The following HEBP2 variants were observed in gnomAD, a reference collection of about 807,000 sequenced individuals.
HEBP2 encodes the protein heme binding protein 2, also known as heme-binding protein 2.
Under a neutral mutation model 23.1 loss-of-function variants are expected in HEBP2, and 27 were observed. The ratio of observed to expected loss-of-function variants is 1.17; its 90% CI spans 0.86 to 1.61. The LOEUF (loss-of-function observed/expected upper bound fraction) is 1.61. Among genes scored for constraint, HEBP2 ranks in the 40% most tolerant of loss-of-function variants. The probability of loss-of-function intolerance (pLI) is 0.00; values close to 1 mark genes in which losing one functional copy is unlikely to be tolerated. For missense variants in HEBP2, 245 were observed against 253.8 expected (o/e 0.97, Z 0.24); for synonymous variants, 99 against 95.1 (o/e 1.04, Z -0.24).
intron 3 of HEBP2, among the ~76,000 whole-genome samples, chr6:138,411,468 C>A (rs775053584): frequency 5.9e-5 from 9 of 152,172 alleles, no homozygotes; most frequent in Non-Finnish European, 1.3e-4. Flanking sequence ...TTCTGACTCA[C>A]CTTCCTGACC....
chr6:138,409,437 C>G (rs1167033807), intron 3 of HEBP2, among the ~76,000 whole-genome samples: 1 of 152,224 alleles, frequency 6.6e-6, no homozygotes, highest in African/African-American at 2.4e-5. Flanking sequence ...TCCTCTCTAT[C>G]ACCATTGTGA....
Position 138,418,309 on chromosome 6 carries a change from C to G in HEBP2, c.*5231C>G, listed in dbSNP as rs1202264950. 1 of 152,172 alleles carries G rather than the reference C, an allele frequency of 6.6e-6. No homozygotes were observed. The highest frequency in any genetic ancestry group is 1.5e-5 in the Non-Finnish European group (1 of 68,042). The allele number at this position is 152,172 out of a possible 1,614,324, so 9.4% of individuals were successfully genotyped here. A position where few individuals can be genotyped will look rare whatever the true frequency, so the allele number is the denominator to read the frequency against. ...AGAAGATGCAGTGTGGAATAGATGA[C>G]AAGGCCCAATGAGAGAATCACAGTG... On this transcript the variant is annotated 3_prime_UTR_variant, in exon 4 of 4. Coordinates refer to ENST00000607197, the MANE Select transcript of HEBP2 (RefSeq NM_014320.3).
In HEBP2 at chr6:138,421,064, T is replaced by G. The variant is rs1306914459; in HGVS notation, c.*7986T>G. ...TGGAAGGTAGGTCAGAGCAGGCAACTGAGAGAAACTGTATTACAGTTACCG... is the reference window on the plus strand; with the variant it reads ...TGGAAGGTAGGTCAGAGCAGGCAACGGAGAGAAACTGTATTACAGTTACCG... On this transcript the variant is annotated 3_prime_UTR_variant, in exon 4 of 4. Transcript: ENST00000607197. The G allele has an allele frequency of 6.6e-6, 1 of 152,184 alleles. No individual in the cohort carries two copies. The highest frequency in any genetic ancestry group is 1.5e-5 in the Non-Finnish European group (1 of 68,042). 9.4% of individuals were successfully genotyped at this position (152,184 alleles called of 1,614,324 possible). A position where few individuals can be genotyped will look rare whatever the true frequency, so the allele number is the denominator to read the frequency against.
chr6:138,412,673 T>C (rs7743069), intron 3 of HEBP2, among the ~76,000 whole-genome samples: 13,487 of 152,132 alleles, frequency 0.089, 1,775 homozygotes, highest in African/African-American at 0.29. Context: ...AGGCTGGTCT[T>C]GAACTCCTGA....
chr6:138,421,645 C>A lies in HEBP2; in HGVS notation c.*8567C>A, dbSNP rs9484162. ...TTTAAGATGCGGTCCATAACAGAAG[C>A]GGGCCCCAAGGAGTAGAGTAGCCAC... On this transcript the variant is annotated 3_prime_UTR_variant, in exon 4 of 4. Transcript: ENST00000607197. 1 of 151,984 alleles carries A rather than the reference C, an allele frequency of 6.6e-6. No homozygotes were observed. 9.4% of individuals were successfully genotyped at this position (151,984 alleles called of 1,614,324 possible). A position where few individuals can be genotyped will look rare whatever the true frequency, so the allele number is the denominator to read the frequency against.
intron 3 of HEBP2, among the ~76,000 whole-genome samples, chr6:138,411,353 G>C (rs1351309953): frequency 6.6e-6 from 1 of 152,104 alleles, no homozygotes; most frequent in Non-Finnish European, 1.5e-5. Flanking sequence ...TTATATGTCT[G>C]CCTATATTCT....
intron 3 of HEBP2, among the ~76,000 whole-genome samples, chr6:138,411,217 T>C (rs1413742632): frequency 2.6e-5 from 4 of 152,250 alleles, no homozygotes; most frequent in Admixed American, 1.3e-4. Flanking sequence ...TGTTTTTGTT[T>C]ATATACTGTA....
rs1247384981 is a variant in HEBP2 at position 138,404,395 on chromosome 6, G to A, written c.-101G>A. On this transcript the variant is annotated 5_prime_UTR_variant, in exon 1 of 4. Coordinates refer to ENST00000607197, the MANE Select transcript of HEBP2 (RefSeq NM_014320.3). ...GAGGAGGGACCGGGTCTGCGGAGCG[G>A]GGACTCGGGGCCTCGGCGGGGCGCG... 15 of 735,868 alleles carry A rather than the reference G, an allele frequency of 2.0e-5. No homozygotes were observed. Among genetic ancestry groups the A allele is most frequent in the Non-Finnish European group, 2.4e-5 (13 of 545,792 alleles). The allele number at this position is 735,868 out of a possible 1,614,324, so 45.6% of individuals were successfully genotyped here. A position where few individuals can be genotyped will look rare whatever the true frequency, so the allele number is the denominator to read the frequency against.
At chr6:138,411,923 C>T (rs191289065) in intron 3 of HEBP2, among the ~76,000 whole-genome samples, 22 of 152,198 alleles carry the variant, frequency 1.4e-4, no homozygotes, top group Admixed American at 9.8e-4. Flanking sequence ...GGGCAACAGA[C>T]AGAGTGAGAC....
At position 138,420,593 on chromosome 6, in the gene HEBP2, C is replaced by G. The variant is rs1023322437; in HGVS notation, c.*7515C>G. On this transcript the variant is annotated 3_prime_UTR_variant, in exon 4 of 4. Transcript: ENST00000607197. ...TTCTCAAGACAGGAGGGGTTGGTGG[C>G]CAATGATTTCACTAAATTATGGAAA... 3.3e-5 allele frequency: 5 copies of G among 152,150 alleles called. No individual in the cohort carries two copies. The highest frequency in any genetic ancestry group is 1.2e-4 in the African/African-American group (5 of 41,412). 9.4% of individuals were successfully genotyped at this position (152,150 alleles called of 1,614,324 possible).
rs1475125719 is a variant in HEBP2, at chr6:138,420,401, G to A, written c.*7323G>A. 1 of 152,166 alleles carries A rather than the reference G, an allele frequency of 6.6e-6. No homozygotes were observed. The highest frequency in any genetic ancestry group is 1.5e-5 in the Non-Finnish European group (1 of 68,030). The allele number at this position is 152,166 out of a possible 1,614,324, so 9.4% of individuals were successfully genotyped here. A position where few individuals can be genotyped will look rare whatever the true frequency, so the allele number is the denominator to read the frequency against. ...ACTCTCTGCGTGTTTTTGGGAAAAT[G>A]GATCCACATAGGCAAGGGGTGGACC... is the stretch of plus-strand genomic sequence containing the variant. On this transcript the variant is annotated 3_prime_UTR_variant, in exon 4 of 4. Transcript: ENST00000607197.
Position 138,405,280 on chromosome 6 carries a change from G to C in HEBP2, c.238G>C (p.Glu80Gln). 1 of 1,614,066 alleles carries C rather than the reference G, an allele frequency of 6.2e-7. No homozygotes were observed. The highest frequency in any genetic ancestry group is 1.1e-5 in the South Asian group (1 of 91,066). Residue 80 changes from glutamate to glutamine, a missense_variant and splice_region_variant, in exon 2 of 4, where the codon GAG becomes CAG. By Grantham distance (29) the Glu-to-Gln change is conservative. Coordinates refer to ENST00000607197, the MANE Select transcript of HEBP2 (RefSeq NM_014320.3). ...CTACATTCAAGGCAAAAACGAGAAAGGTAAAAGCAGTTTTCCTTGTAATTA... is the reference window on the plus strand; with the variant it reads ...CTACATTCAAGGCAAAAACGAGAAACGTAAAAGCAGTTTTCCTTGTAATTA... ...NSYIQGKNEK[E>Q]MKIKMTAPVT...
chr6:138,404,537 C>A lies in HEBP2; in HGVS notation c.42C>A (p.Asp14Glu), dbSNP rs1047662515. Residue 14 changes from aspartate (D) to glutamate (E), a missense_variant, in exon 1 of 4, where the codon GAC becomes GAA. Asp to Glu is a conservative substitution (Grantham distance 45). Transcript: ENST00000607197. Reference protein sequence around the residue: ...PLQPDPGAAEDAAAQAVETPG... With the variant: ...PLQPDPGAAEEAAAQAVETPG... ...AGCCAGACCCCGGGGCGGCCGAGGACGCGGCGGCCCAAGCTGTGGAGACGC... is the reference window on the plus strand; with the variant it reads ...AGCCAGACCCCGGGGCGGCCGAGGAAGCGGCGGCCCAAGCTGTGGAGACGC... 2 of 1,313,566 alleles carry A rather than the reference C, an allele frequency of 1.5e-6. No homozygotes were observed. Among genetic ancestry groups the A allele is most frequent in the African/African-American group, 1.5e-5 (1 of 65,166 alleles). The allele number at this position is 1,313,566 out of a possible 1,614,324, so 81.4% of individuals were successfully genotyped here.
chr6:138,411,252 T>C (rs1406269524), intron 3 of HEBP2, among the ~76,000 whole-genome samples: 1 of 152,244 alleles, frequency 6.6e-6, no homozygotes, highest in Non-Finnish European at 1.5e-5. Context: ...ACTTTTATTC[T>C]CTTTTCCCAC....
intron 1 of HEBP2, 101 bp downstream of exon 1, chr6:138,404,698 T>A (rs937491374): frequency 7.0e-6 from 5 of 717,274 alleles, no homozygotes; most frequent in African/African-American, 1.9e-5. Context: ...TACAGTTTTT[T>A]AAATGGTCCC....
chr6:138,404,287 AG>A lies in HEBP2; in HGVS notation c.-208del. ...CCGGCCGGAGCTGTCCGGGGTCGTGAGCCGGCCCCGCCTTGGTGGCGGCGCC... is the reference window on the plus strand; with the variant it reads ...CCGGCCGGAGCTGTCCGGGGTCGTGACCGGCCCCGCCTTGGTGGCGGCGCC... On this transcript the variant is annotated 5_prime_UTR_variant, in exon 1 of 4. Coordinates refer to ENST00000607197, the MANE Select transcript of HEBP2 (RefSeq NM_014320.3). The A allele has an allele frequency of 3.0e-6, 1 of 335,160 alleles. No individual in the cohort carries two copies. Among genetic ancestry groups the A allele is most frequent in the Non-Finnish European group, 5.4e-6 (1 of 186,242 alleles). The allele number at this position is 335,160 out of a possible 1,614,324, so 20.8% of individuals were successfully genotyped here.
rs372293964 is a variant in HEBP2 at position 138,406,200 on chromosome 6, G to A, written c.419+49G>A. 108 of 1,508,718 alleles carry A rather than the reference G, an allele frequency of 7.2e-5. 1 individual carries two copies. The East Asian group carries it at 1.9e-3, about 27-fold the overall frequency. 93.5% of individuals were successfully genotyped at this position (1,508,718 alleles called of 1,614,324 possible). On this transcript the variant is annotated intron_variant, in intron 3 of 3. Transcript: ENST00000607197. ...CTTGCTGACTGCTAGTTTTACTTGCGTGCACTCACAGTTTAGCTCCAATGC... is the reference window on the plus strand; with the variant it reads ...CTTGCTGACTGCTAGTTTTACTTGCATGCACTCACAGTTTAGCTCCAATGC...
intron 3 of HEBP2, among the ~76,000 whole-genome samples, chr6:138,406,356 A>G (rs1034893236): frequency 5.3e-5 from 8 of 152,194 alleles, no homozygotes; most frequent in African/African-American, 1.9e-4. Flanking sequence ...TAATGAGTCT[A>G]TTGCATGCCC....
At chr6:138,409,814 T>C (rs1350557473) in intron 3 of HEBP2, among the ~76,000 whole-genome samples, 1 of 152,206 alleles carries the variant, frequency 6.6e-6, no homozygotes, top group African/African-American at 2.4e-5. Context: ...TCACCCTTCA[T>C]GTAACATGCC....
Sources: gnomAD v4.1 joint callset for allele counts (sites outside exome capture counted in the v4.1 genomes callset) on GRCh38, gnomAD v4.1.1 for gene constraint, MANE v1.5 for transcripts, NCBI Gene and HGNC (gene_info 2026-07-23, HGNC 2026-07-21) for gene names.